The following VTI1B variants were observed in gnomAD, a reference collection of about 807,000 sequenced individuals.
VTI1B encodes the protein vesicle transport through interaction with t-SNAREs 1B, also known as vesicle transport through interaction with t-SNAREs homolog 1B.
Under a neutral mutation model 28.6 loss-of-function variants are expected in VTI1B, and 18 were observed. The observed-to-expected ratio is 0.63, with a 90% CI of 0.43 to 0.93. The LOEUF is 0.93. Among genes scored for constraint, VTI1B ranks in the 40% least tolerant of loss-of-function variants. The probability of loss-of-function intolerance (pLI) is 0.00; values close to 1 mark genes in which losing one functional copy is unlikely to be tolerated. For missense variants in VTI1B, 283 were observed against 297.0 expected (o/e 0.95, Z 0.35); for synonymous variants, 100 against 107.9 (o/e 0.93, Z 0.46).
rs1385270828 is a variant in VTI1B, at chr14:67,674,540, C to T, written c.-51G>A. 2.0e-6 allele frequency: 3 copies of T among 1,485,758 alleles called. No individual in the cohort carries two copies. Among genetic ancestry groups the T allele is most frequent in the East Asian group, 2.5e-5 (1 of 40,470 alleles). 92.0% of individuals were successfully genotyped at this position (1,485,758 alleles called of 1,614,324 possible). Reference sequence around the variant, plus strand: ...CCACCGAGATTCGGGGCCCTGGGCCCTTTCCTAGCCCGGCGGTCAGCCGCC... The same window carrying T: ...CCACCGAGATTCGGGGCCCTGGGCCTTTTCCTAGCCCGGCGGTCAGCCGCC... On this transcript the variant is annotated 5_prime_UTR_variant, in exon 1 of 6. Coordinates refer to ENST00000554659, the MANE Select transcript of VTI1B (RefSeq NM_006370.3).
intron 5 of VTI1B, chr14:67,651,694 AC>A: frequency 2.4e-6 from 1 of 408,428 alleles, no homozygotes; most frequent in Non-Finnish European, 4.3e-6. Context: ...GACAATAAAA[AC>A]CAAAGCATAA....
At chr14:67,659,101 T>C (rs1180466724) in intron 3 of VTI1B, among the ~76,000 whole-genome samples, 1 of 152,228 alleles carries the variant, frequency 6.6e-6, no homozygotes, top group African/African-American at 2.4e-5. Flanking sequence ...GGTTTCAGAA[T>C]ACAGATGTTC....
chr14:67,650,349 T>C lies in VTI1B; in HGVS notation c.*1036A>G, dbSNP rs1008342797. On this transcript the variant is annotated 3_prime_UTR_variant, in exon 6 of 6. Coordinates refer to ENST00000554659, the MANE Select transcript of VTI1B (RefSeq NM_006370.3). ...CATTTCCAGGCAGGCATCTGGAAGG[T>C]TCCTAGTCATACTGGAGGTGGCATA... The C allele has an allele frequency of 2.4e-5, 7 of 285,810 alleles. No individual in the cohort carries two copies. The highest frequency in any genetic ancestry group is 6.6e-5 in the African/African-American group (3 of 45,604). The allele number at this position is 285,810 out of a possible 1,614,324, so 17.7% of individuals were successfully genotyped here.
At chr14:67,662,042 G>A (rs2037342404) in intron 2 of VTI1B, among the ~76,000 whole-genome samples, 1 of 151,802 alleles carries the variant, frequency 6.6e-6, no homozygotes, top group African/African-American at 2.4e-5. Flanking sequence ...TGTATTCCCA[G>A]CTACTTGGGA....
intron 5 of VTI1B, 45 bp from the exon 6 acceptor site, chr14:67,651,526 C>T: frequency 1.2e-6 from 2 of 1,603,798 alleles, no homozygotes; most frequent in Non-Finnish European, 1.7e-6. Context: ...GTTTGGATAA[C>T]CTTCCTTCTA....
At chr14:67,654,189 C>T (rs1376361178) in intron 4 of VTI1B, among the ~76,000 whole-genome samples, 1 of 152,204 alleles carries the variant, frequency 6.6e-6, no homozygotes, top group East Asian at 1.9e-4. Flanking sequence ...TCACTGCAGC[C>T]TCGACCTCCC....
chr14:67,654,309 AG>A (rs1263921617), intron 4 of VTI1B, among the ~76,000 whole-genome samples: 36 of 240 alleles, frequency 0.15, no homozygotes, highest in Admixed American at 0.21. Context: ...CTCGCTATAG[AG>A]ATGAGGTCTC....
chr14:67,672,182 G>A (rs956873520), intron 1 of VTI1B, among the ~76,000 whole-genome samples: 7 of 150,512 alleles, frequency 4.7e-5, no homozygotes, highest in East Asian at 1.9e-4. Flanking sequence ...GCAGTGGTGC[G>A]ATCTTGGCTC....
At position 67,647,118 on chromosome 14, in the gene VTI1B, C is replaced by A; in HGVS notation, c.*4267G>T. Reference sequence around the variant, plus strand: ...GGACAGCAGCTTTACTTTTAAAATACAAAGCAAAAACATACACATAATTTT... The same window carrying A: ...GGACAGCAGCTTTACTTTTAAAATAAAAAGCAAAAACATACACATAATTTT... On this transcript the variant is annotated 3_prime_UTR_variant, in exon 6 of 6. Coordinates refer to ENST00000554659, the MANE Select transcript of VTI1B (RefSeq NM_006370.3). 1 of 833,948 alleles carries A rather than the reference C, an allele frequency of 1.2e-6. No individual in the cohort carries two copies. The highest frequency in any genetic ancestry group is 2.3e-5 in the Admixed American group (1 of 43,828). The allele number at this position is 833,948 out of a possible 1,614,324, so 51.7% of individuals were successfully genotyped here.
chr14:67,662,957 AC>A, intron 1 of VTI1B: 1 of 1,332,206 alleles, frequency 7.5e-7, no homozygotes, highest in African/African-American at 1.5e-5. Context: ...GAAACCCCTC[AC>A]CACTCCCACA....
chr14:67,651,850 G>C (rs899178516), intron 5 of VTI1B: 1 of 178,634 alleles, frequency 5.6e-6, no homozygotes, highest in African/African-American at 2.4e-5. Flanking sequence ...TAGAAGCCTG[G>C]GTAATACCTT....
intron 3 of VTI1B, among the ~76,000 whole-genome samples, chr14:67,656,824 C>A (rs555945830): frequency 5.3e-5 from 8 of 152,088 alleles, no homozygotes; most frequent in South Asian, 4.1e-4. Context: ...TACACTTACG[C>A]GAGGCAAGGA....
chr14:67,651,284 C>G lies in VTI1B; in HGVS notation c.*101G>C. ...CCTGGCTATACAGTGCATCCTTGAA[C>G]TGTCAGCCCACAGCAGCAATATGCT... On this transcript the variant is annotated 3_prime_UTR_variant, in exon 6 of 6. Transcript: ENST00000554659. 1 of 1,597,898 alleles carries G rather than the reference C, an allele frequency of 6.3e-7. No homozygotes were observed. Among genetic ancestry groups the G allele is most frequent in the South Asian group, 1.1e-5 (1 of 88,958 alleles).
chr14:67,673,375 C>T (rs2037493478), intron 1 of VTI1B, among the ~76,000 whole-genome samples: 1 of 151,992 alleles, frequency 6.6e-6, no homozygotes, highest in Non-Finnish European at 1.5e-5. Context: ...TAAAATAAAA[C>T]TGAAGTCCCA....
At chr14:67,672,468 CAG>C (rs1346416084) in intron 1 of VTI1B, among the ~76,000 whole-genome samples, 2 of 106,904 alleles carry the variant, frequency 1.9e-5, no homozygotes, top group Non-Finnish European at 4.0e-5. Flanking sequence ...TTTTTTGATA[CAG>C]AGTCTTGATC....
intron 2 of VTI1B, among the ~76,000 whole-genome samples, chr14:67,660,571 G>A (rs930112918): frequency 2.0e-5 from 3 of 152,130 alleles, no homozygotes; most frequent in East Asian, 1.9e-4. Flanking sequence ...CTGGCATCAG[G>A]GTTCTTCCCT....
chr14:67,653,172 A>G (rs1305816437), intron 5 of VTI1B, among the ~76,000 whole-genome samples: 1 of 152,226 alleles, frequency 6.6e-6, no homozygotes, highest in Non-Finnish European at 1.5e-5. Context: ...CTGTGATTAA[A>G]TGTCCTTTCA....
At chr14:67,673,639 T>C (rs748417694) in intron 1 of VTI1B, among the ~76,000 whole-genome samples, 6 of 152,198 alleles carry the variant, frequency 3.9e-5, no homozygotes, top group African/African-American at 1.2e-4. Context: ...TGACCTTGAG[T>C]AATTCGTTGA....
intron 3 of VTI1B, 129 bp from the exon 4 acceptor site, chr14:67,656,718 A>T (rs1423854789): frequency 4.8e-6 from 5 of 1,037,432 alleles, no homozygotes; most frequent in Non-Finnish European, 6.6e-6. Flanking sequence ...TTTAAGACAG[A>T]ACCAAAGAAG....
Sources: gnomAD v4.1 joint callset for allele counts (sites outside exome capture counted in the v4.1 genomes callset) on GRCh38, gnomAD v4.1.1 for gene constraint, MANE v1.5 for transcripts, NCBI Gene and HGNC (gene_info 2026-07-23, HGNC 2026-07-21) for gene names.